The following TYW1B variants were observed in gnomAD, a reference collection of about 807,000 sequenced individuals.
TYW1B encodes the protein S-adenosyl-L-methionine-dependent tRNA 4-demethylwyosine synthase TYW1B.
TYW1B carries 73 observed loss-of-function variants against 86.9 expected under a neutral mutation model. The observed-to-expected ratio is 0.84, with a 90% CI of 0.70 to 1.02. The LOEUF (loss-of-function observed/expected upper bound fraction) is 1.02, where lower values mean the gene tolerates loss of function less well. Ranked by LOEUF, TYW1B falls within the 50% of genes least tolerant of loss-of-function variation. The probability of loss-of-function intolerance (pLI) is 0.00; values close to 1 mark genes in which losing one functional copy is unlikely to be tolerated. For missense variants in TYW1B, 637 were observed against 827.4 expected (o/e 0.77, Z 2.82); for synonymous variants, 248 against 292.8 (o/e 0.85, Z 1.56).
chr7:72,721,874 T>C (rs1294963268), intron 9 of TYW1B, among the ~76,000 whole-genome samples: 2 of 152,190 alleles, frequency 1.3e-5, no homozygotes, highest in African/African-American at 4.8e-5. Flanking sequence ...CATTGAAAGA[T>C]GACAAAGCCA....
At chr7:72,826,240 G>C (rs1460186477) in intron 2 of TYW1B, among the ~76,000 whole-genome samples, 10 of 152,286 alleles carry the variant, frequency 6.6e-5, no homozygotes, top group African/African-American at 2.4e-4. Context: ...TGCCCTTGAA[G>C]ACAAATAATT....
intron 6 of TYW1B, among the ~76,000 whole-genome samples, chr7:72,793,453 A>T (rs1407552392): frequency 1.3e-5 from 2 of 151,950 alleles, no homozygotes; most frequent in African/African-American, 4.8e-5. Flanking sequence ...CAACATTAAA[A>T]ATGGCTCCCC....
intron 11 of TYW1B, among the ~76,000 whole-genome samples, chr7:72,687,119 T>G (rs1167726838): frequency 6.6e-6 from 1 of 152,186 alleles, no homozygotes; most frequent in Non-Finnish European, 1.5e-5. Flanking sequence ...GCTCTGTTTA[T>G]CAAGCAATAT....
At chr7:72,670,552 G>A (rs3015906) in intron 11 of TYW1B, among the ~76,000 whole-genome samples, 118,136 of 152,120 alleles carry the variant, frequency 0.78, 46,542 homozygotes, top group Middle Eastern at 0.85. Flanking sequence ...CAGTGAGGAA[G>A]TAAAGACTTC....
At chr7:72,757,577 A>G (rs1787614645) in intron 7 of TYW1B, among the ~76,000 whole-genome samples, 1 of 152,188 alleles carries the variant, frequency 6.6e-6, no homozygotes, top group Non-Finnish European at 1.5e-5. Context: ...GCCTGCCCAT[A>G]TGATGGACTG....
Position 72,794,555 on chromosome 7 carries a change from C to CA in TYW1B, c.846+7844dup, listed in dbSNP as rs1177719954. Among the ~76,000 whole-genome samples, 492 of 132,814 alleles carry CA rather than the reference C, an allele frequency of 3.7e-3. 11 individuals carry two copies. The East Asian group carries it at 0.069, about 19-fold the overall frequency. 87.1% of individuals were successfully genotyped at this position (132,814 alleles called of 152,430 possible). On this transcript the variant is annotated intron_variant, in intron 6 of 13. Transcript: ENST00000620995. ...TGGATGAGACAGCGAGATTCTGTCT[C>CA]AAAAAAAAAAAAGGTATACTTCTCT...
At chr7:72,649,574 T>A (rs187611084) in intron 11 of TYW1B, among the ~76,000 whole-genome samples, 1 of 152,128 alleles carries the variant, frequency 6.6e-6, no homozygotes, top group Non-Finnish European at 1.5e-5. Flanking sequence ...ACAAAATCTA[T>A]CCATCACTCC....
At chr7:72,604,523 T>TA (rs1811751004) in intron 13 of TYW1B, among the ~76,000 whole-genome samples, 1 of 152,160 alleles carries the variant, frequency 6.6e-6, no homozygotes, top group Admixed American at 6.6e-5. Flanking sequence ...CACTGCTATG[T>TA]GGATTCCGCA....
chr7:72,815,502 T>C (rs139139517), intron 2 of TYW1B, 21 bp from the exon 3 acceptor site: 1 of 1,589,950 alleles, frequency 6.3e-7, no homozygotes, highest in Non-Finnish European at 8.6e-7. Context: ...AAAAAAAAAC[T>C]TCAAATAAAG....
intron 11 of TYW1B, among the ~76,000 whole-genome samples, chr7:72,666,645 G>C (rs1229154576): frequency 6.6e-6 from 1 of 152,074 alleles, no homozygotes; most frequent in African/African-American, 2.4e-5. Context: ...GCACCAACCT[G>C]TTCCTGAAAA....
rs1379510545 is a variant in TYW1B, at chr7:72,807,163, T to C, written c.626A>G (p.His209Arg). 2.5e-6 allele frequency: 4 copies of C among 1,613,900 alleles called. No individual in the cohort carries two copies. The highest frequency in any genetic ancestry group is 1.7e-5 in the Admixed American group (1 of 59,932). Residue 209 changes from histidine (H) to arginine (R), a missense_variant, in exon 5 of 14, where the codon CAC becomes CGC. His to Arg is a conservative substitution (Grantham distance 29, BLOSUM62 0). Coordinates refer to ENST00000620995, the MANE Select transcript of TYW1B (RefSeq NM_001145440.3). ...AGATTCACATTTGCCTTTCTTGCAG[T>C]GGCCGCCACAGGACTTCTTTCTCTC... ...KGERKKSCGG[H>R]CKKGKCESHQ...
At chr7:72,731,700 T>G (rs1159039490) in intron 8 of TYW1B, among the ~76,000 whole-genome samples, 1 of 152,048 alleles carries the variant, frequency 6.6e-6, no homozygotes, top group African/African-American at 2.4e-5. Context: ...TCCCAGCACT[T>G]TGGGAGGCTG....
chr7:72,822,701 T>C lies in TYW1B; in HGVS notation c.135+4154A>G, dbSNP rs148082963. Among the ~76,000 whole-genome samples, 161 of 152,214 alleles carry C rather than the reference T, an allele frequency of 1.1e-3. 2 individuals carry two copies. In the East Asian group the frequency reaches 0.027, roughly 26 times the overall value. ...GTGGCTCACACCTGTAATCCTATCC[T>C]GTAATCCTAGCCCAATATTGAGATG... On this transcript the variant is annotated intron_variant, in intron 2 of 13. Coordinates refer to ENST00000620995, the MANE Select transcript of TYW1B (RefSeq NM_001145440.3).
At position 72,574,593 on chromosome 7, in the gene TYW1B, G is replaced by C. The variant is rs1386218699; in HGVS notation, c.*905C>G. 1.0e-6 allele frequency: 1 copy of C among 985,190 alleles called. No homozygotes were observed. Among genetic ancestry groups the C allele is most frequent in the Non-Finnish European group, 1.2e-6 (1 of 829,852 alleles). The allele number at this position is 985,190 out of a possible 1,614,324, so 61.0% of individuals were successfully genotyped here. A position where few individuals can be genotyped will look rare whatever the true frequency, so the allele number is the denominator to read the frequency against. ...AATTTGCTAACTTGAAAACAATTTT[G>C]AGTATTTATGATCTTTCCAACTTGA... On this transcript the variant is annotated 3_prime_UTR_variant, in exon 14 of 14. Coordinates refer to ENST00000620995, the MANE Select transcript of TYW1B (RefSeq NM_001145440.3).
chr7:72,583,191 C>T (rs1811197384), intron 13 of TYW1B, among the ~76,000 whole-genome samples: 1 of 152,058 alleles, frequency 6.6e-6, no homozygotes, highest in Admixed American at 6.6e-5. Context: ...GGTGAAACCC[C>T]ATCTCTACTA....
At chr7:72,605,598 C>T (rs1811774652) in intron 13 of TYW1B, among the ~76,000 whole-genome samples, 1 of 152,164 alleles carries the variant, frequency 6.6e-6, no homozygotes, top group Non-Finnish European at 1.5e-5. Context: ...ATGATCCGCC[C>T]ACTTCGGCCT....
intron 6 of TYW1B, among the ~76,000 whole-genome samples, chr7:72,780,626 C>T (rs1177493929): frequency 6.6e-6 from 1 of 152,134 alleles, no homozygotes; most frequent in Non-Finnish European, 1.5e-5. Flanking sequence ...GGAATACTGT[C>T]TCTGTCCCTT....
At chr7:72,667,240 C>T (rs1410823726) in intron 11 of TYW1B, among the ~76,000 whole-genome samples, 2 of 152,132 alleles carry the variant, frequency 1.3e-5, no homozygotes, top group Non-Finnish European at 2.9e-5. Context: ...AAATCACCCA[C>T]ATCTGACTCT....
In TYW1B at chr7:72,638,806, T is replaced by C. The variant is rs532863112; in HGVS notation, c.1507-9809A>G. The stretch of plus-strand genomic sequence containing the variant: ...CAGATGTTGTGTGCCACTTGATTGA[T>C]GCACTAGGGAACAGTACAGCAACAA... On this transcript the variant is annotated intron_variant, in intron 11 of 13. Transcript: ENST00000620995. 2.0e-3 allele frequency among the ~76,000 whole-genome samples: 307 copies of C among 152,360 alleles called. 1 individual carries two copies. Among genetic ancestry groups the C allele is most frequent in the African/African-American group, 7.0e-3 (290 of 41,584 alleles).
Sources: gnomAD v4.1 joint callset for allele counts (sites outside exome capture counted in the v4.1 genomes callset) on GRCh38, gnomAD v4.1.1 for gene constraint, MANE v1.5 for transcripts, NCBI Gene and HGNC (gene_info 2026-07-23, HGNC 2026-07-21) for gene names.